MEF2A: variants seen among roughly 807,000 people sequenced by gnomAD.
MEF2A encodes myocyte-specific enhancer factor 2A.
Under a neutral mutation model 55.8 loss-of-function variants are expected in MEF2A, and 28 were observed. That is an observed-to-expected ratio of 0.50 (90% CI 0.37 to 0.69). MEF2A has a LOEUF of 0.69. Among genes scored for constraint, MEF2A ranks in the 30% least tolerant of loss-of-function variants. The probability of loss-of-function intolerance (pLI) is 0.00; values close to 1 mark genes in which losing one functional copy is unlikely to be tolerated. For missense variants in MEF2A, 528 were observed against 626.2 expected, an observed-to-expected ratio of 0.84 and a Z score of 1.67; for synonymous variants, 239 against 227.1, an observed-to-expected ratio of 1.05 and a Z score of -0.47.
intron 3 of MEF2A, among the ~76,000 whole-genome samples, chr15:99,645,038 T>A (rs561646317): frequency 2.2e-4 from 33 of 152,274 alleles, no homozygotes; most frequent in Non-Finnish European, 4.6e-4. Context: ...GGTAACAGGT[T>A]TCAGTTAAAG....
At chr15:99,675,029 A>T (rs914602541) in intron 6 of MEF2A, among the ~76,000 whole-genome samples, 2 of 152,078 alleles carry the variant, frequency 1.3e-5, no homozygotes, top group East Asian at 3.9e-4. Context: ...TTTATGTTAC[A>T]TTTATTGTAT....
At chr15:99,567,626 A>AATTGTGTGTGT (rs1567124507) in intron 1 of MEF2A, among the ~76,000 whole-genome samples, 4 of 122,014 alleles carry the variant, frequency 3.3e-5, no homozygotes, top group Admixed American at 1.7e-4. Flanking sequence ...TTTTGTATGT[A>AATTGTGTGTGT]CTGTGTGTGT....
chr15:99,632,154 T>G (rs542809350), intron 2 of MEF2A, among the ~76,000 whole-genome samples: 255 of 152,312 alleles, frequency 1.7e-3, no homozygotes, highest in Non-Finnish European at 3.1e-3. Flanking sequence ...CTTGAAAGAT[T>G]TTTTAAGTCT....
intron 2 of MEF2A, among the ~76,000 whole-genome samples, chr15:99,624,670 T>C (rs963971325): frequency 6.6e-6 from 1 of 152,224 alleles, no homozygotes; most frequent in Non-Finnish European, 1.5e-5. Context: ...TGAGATTTCA[T>C]ACGAGTTTTA....
At chr15:99,640,514 T>C (rs1488962605) in intron 3 of MEF2A, among the ~76,000 whole-genome samples, 2 of 151,104 alleles carry the variant, frequency 1.3e-5, no homozygotes, top group Non-Finnish European at 3.0e-5. Context: ...CCTCCCTCTC[T>C]CCCTCCTTCA....
chr15:99,691,679 CAG>C (rs1198682364), intron 8 of MEF2A, among the ~76,000 whole-genome samples: 1 of 151,750 alleles, frequency 6.6e-6, no homozygotes, highest in African/African-American at 2.4e-5. Flanking sequence ...GCCTGGGTGA[CAG>C]AGCAAGACTC....
intron 4 of MEF2A, among the ~76,000 whole-genome samples, chr15:99,663,369 G>A (rs575568007): frequency 2.0e-5 from 3 of 151,786 alleles, no homozygotes; most frequent in South Asian, 2.1e-4. Flanking sequence ...CATTATATAC[G>A]GAAATGGACT....
intron 10 of MEF2A, 40 bp from the exon 11 acceptor site, chr15:99,710,594 C>A: frequency 6.3e-7 from 1 of 1,588,660 alleles, no homozygotes; most frequent in Non-Finnish European, 8.6e-7. Flanking sequence ...TCCGTATGGA[C>A]CTTCCATCAT....
chr15:99,703,093 A>C (rs761844093), intron 8 of MEF2A, among the ~76,000 whole-genome samples: 1 of 152,224 alleles, frequency 6.6e-6, no homozygotes, highest in Non-Finnish European at 1.5e-5. Flanking sequence ...GACTATGTAT[A>C]AGAGGCCAGC....
chr15:99,572,762 CT>C (rs1429599788), intron 1 of MEF2A, among the ~76,000 whole-genome samples: 1 of 152,170 alleles, frequency 6.6e-6, no homozygotes, highest in African/African-American at 2.4e-5. Context: ...GTTTTTTGCT[CT>C]TGCTCTTGTG....
chr15:99,618,323 A>G (rs146787333), intron 2 of MEF2A, among the ~76,000 whole-genome samples: 1 of 152,300 alleles, frequency 6.6e-6, no homozygotes, highest in African/African-American at 2.4e-5. Flanking sequence ...TCAGTGTCAC[A>G]AAAGAGAGAG....
At chr15:99,598,091 C>A (rs909893693) in intron 1 of MEF2A, among the ~76,000 whole-genome samples, 1 of 152,062 alleles carries the variant, frequency 6.6e-6, no homozygotes, top group African/African-American at 2.4e-5. Context: ...ATAGGCTATA[C>A]GCACAGTACA....
In MEF2A at chr15:99,712,800, T is replaced by C. The variant is rs1172132283; in HGVS notation, c.*29T>C. The C allele has an allele frequency of 3.2e-6, 5 of 1,546,490 alleles. No individual in the cohort carries two copies. The highest frequency in any genetic ancestry group is 3.5e-6 in the Non-Finnish European group (4 of 1,143,174). On this transcript the variant is annotated 3_prime_UTR_variant, in exon 12 of 12. Transcript: ENST00000557942. The surrounding 1 kb of genome is among the most constrained non-coding windows in gnomAD (Gnocchi z 4.1). ...TTCCAAGCTGATGTTTGTACTTTTG[T>C]GTTACTGCAGTGACCTGCCCTACAT...
intron 8 of MEF2A, chr15:99,690,784 C>G (rs1006821649): frequency 5.0e-6 from 2 of 400,444 alleles, no homozygotes; most frequent in Admixed American, 6.3e-5. Flanking sequence ...AGAATGATAG[C>G]AGAGGCTGGG....
At chr15:99,651,119 G>A (rs2046780474) in intron 4 of MEF2A, among the ~76,000 whole-genome samples, 1 of 152,112 alleles carries the variant, frequency 6.6e-6, no homozygotes, top group African/African-American at 2.4e-5. Context: ...TGCACCTAAG[G>A]AATACATTTC....
In MEF2A at chr15:99,591,290, G is replaced by A. The variant is rs1344049703; in HGVS notation, c.-224-7140G>A. Among the ~76,000 whole-genome samples, 3 of 152,068 alleles carry A rather than the reference G, an allele frequency of 2.0e-5. No individual in the cohort carries two copies. The East Asian group carries it at 5.8e-4, about 29-fold the overall frequency. On this transcript the variant is annotated intron_variant, in intron 1 of 11. Transcript: ENST00000557942. The stretch of plus-strand genomic sequence containing the variant: ...CCCTTTATCGGTGAAGAATATTTCT[G>A]CTTTATATAGATTTTAGCTTACAGA...
intron 2 of MEF2A, chr15:99,621,054 A>G (rs921810777): frequency 6.6e-6 from 1 of 152,122 alleles, no homozygotes; most frequent in African/African-American, 2.4e-5. Context: ...CATGTTGGCC[A>G]GGCTGGTCTC....
chr15:99,591,274 G>A (rs569957843), intron 1 of MEF2A, among the ~76,000 whole-genome samples: 45 of 152,154 alleles, frequency 3.0e-4, no homozygotes, highest in East Asian at 9.6e-4. Context: ...CCCCTTTATC[G>A]GTGAAGAATA....
At chr15:99,579,706 T>G (rs1965366003) in intron 1 of MEF2A, among the ~76,000 whole-genome samples, 1 of 152,180 alleles carries the variant, frequency 6.6e-6, no homozygotes, top group Non-Finnish European at 1.5e-5. Context: ...TTGTTCATTT[T>G]TATAGTATTG....
Sources: allele counts gnomAD v4.1 joint callset (sites outside exome capture counted in the v4.1 genomes callset), GRCh38; gene constraint gnomAD v4.1.1; non-coding constraint Gnocchi (gnomAD v3.1); transcripts MANE v1.5; gene names NCBI Gene and HGNC (gene_info 2026-07-23, HGNC 2026-07-21).